PALLD: variants seen among roughly 807,000 people sequenced by gnomAD.
PALLD encodes the protein palladin, cytoskeletal associated protein.
A neutral mutation model predicts 123.5 loss-of-function variants in PALLD; 61 were observed. The observed-to-expected ratio is 0.49, with a 90% CI of 0.40 to 0.61. The LOEUF (loss-of-function observed/expected upper bound fraction) is 0.61. Among genes scored for constraint, PALLD ranks in the 20% least tolerant of loss-of-function variants. PALLD has a pLI of 0.00. For synonymous variants in PALLD, 465 were observed against 496.4 expected (o/e 0.94, Z 0.84); for missense variants, 1,273 against 1,377.0 (o/e 0.92, Z 1.20).
intron 10 of PALLD, among the ~76,000 whole-genome samples, chr4:168,750,331 T>A (rs550349452): frequency 2.5e-4 from 38 of 152,356 alleles, no homozygotes; most frequent in African/African-American, 8.7e-4. Flanking sequence ...TCCAGCCACA[T>A]CCATGTTGCT....
chr4:168,824,508 T>G (rs534631165), intron 10 of PALLD, among the ~76,000 whole-genome samples: 1 of 152,326 alleles, frequency 6.6e-6, no homozygotes, highest in Non-Finnish European at 1.5e-5. Context: ...TTGATAAATC[T>G]TATAAATTGA....
intron 2 of PALLD, among the ~76,000 whole-genome samples, chr4:168,568,701 A>T (rs1274440053): frequency 1.3e-5 from 2 of 151,646 alleles, no homozygotes; most frequent in East Asian, 3.9e-4. Flanking sequence ...AATTTGGGAA[A>T]TTTTTCCTAA....
intron 15 of PALLD, 190 bp downstream of exon 15, chr4:168,904,096 C>T (rs1707348389): frequency 1.6e-6 from 1 of 612,464 alleles, no homozygotes; most frequent in Admixed American, 2.7e-5. Flanking sequence ...CTTATTTATT[C>T]CATCAGGTGT....
intron 10 of PALLD, among the ~76,000 whole-genome samples, chr4:168,784,143 T>A (rs535913668): frequency 6.6e-6 from 1 of 152,014 alleles, no homozygotes; most frequent in South Asian, 2.1e-4. Flanking sequence ...AAAGGAGGAA[T>A]AAGAGGAGGT....
intron 4 of PALLD, among the ~76,000 whole-genome samples, chr4:168,682,672 T>G (rs753535699): frequency 4.6e-5 from 7 of 152,218 alleles, no homozygotes; most frequent in Non-Finnish European, 7.3e-5. Context: ...ATATTTTCTC[T>G]TAGGATTTTC....
chr4:168,602,738 C>T (rs751747206), intron 2 of PALLD, among the ~76,000 whole-genome samples: 105 of 152,036 alleles, frequency 6.9e-4, no homozygotes, highest in Non-Finnish European at 1.2e-3. Flanking sequence ...TCCTGGAGGG[C>T]GGCTTTGGAA....
chr4:168,671,026 G>A (rs202192446), intron 3 of PALLD, among the ~76,000 whole-genome samples: 38 of 148,548 alleles, frequency 2.6e-4, no homozygotes, highest in Non-Finnish European at 2.2e-4. Context: ...TCAAAAAAAA[G>A]AAAAAAAAAA....
At chr4:168,563,588 T>C (rs1768074211) in intron 2 of PALLD, among the ~76,000 whole-genome samples, 1 of 152,212 alleles carries the variant, frequency 6.6e-6, no homozygotes, top group African/African-American at 2.4e-5. Flanking sequence ...TAAATGAATG[T>C]AGATTTTCAA....
chr4:168,511,989 G>T lies in PALLD; in HGVS notation c.485G>T (p.Gly162Val). The change falls in exon 2 of 22, where the codon GGT (glycine) becomes GTT (valine). Residue 162 changes from glycine to valine, a missense_variant. Gly to Val is a moderately radical substitution (Grantham distance 109). This residue lies in a region of PALLD where 944 missense variants were observed against 954.5 expected (regional missense o/e 0.99). Transcript: ENST00000505667. ...CCCAAAACGCCACATCAAAGAAAGG[G>T]TGGCCCCCAGAGCCAGCTGTGTGAC... ...VKPKTPHQRK[G>V]GPQSQLCDKA... 6.2e-7 allele frequency: 1 copy of T among 1,614,156 alleles called. No individual in the cohort carries two copies. The highest frequency in any genetic ancestry group is 8.5e-7 in the Non-Finnish European group (1 of 1,180,024).
intron 3 of PALLD, among the ~76,000 whole-genome samples, chr4:168,673,219 C>T (rs972436451): frequency 6.6e-6 from 1 of 152,178 alleles, no homozygotes; most frequent in Non-Finnish European, 1.5e-5. Flanking sequence ...GGCAGAGTAA[C>T]CCAGTAAACT....
intron 4 of PALLD, among the ~76,000 whole-genome samples, chr4:168,682,466 T>G (rs1781637750): frequency 6.6e-6 from 1 of 152,162 alleles, no homozygotes; most frequent in Admixed American, 6.5e-5. Context: ...CTTCTTAATC[T>G]TCTCTAAATA....
At chr4:168,794,438 C>A (rs1738113172) in intron 10 of PALLD, among the ~76,000 whole-genome samples, 1 of 112,056 alleles carries the variant, frequency 8.9e-6, no homozygotes, top group Non-Finnish European at 2.1e-5. Flanking sequence ...CGCGCGCACA[C>A]ACATAGACAT....
chr4:168,569,123 A>T (rs1768712214), intron 2 of PALLD, among the ~76,000 whole-genome samples: 1 of 152,150 alleles, frequency 6.6e-6, no homozygotes. Context: ...TATCTCCTTT[A>T]CCTGCCTTGG....
At chr4:168,744,128 G>A (rs1482607604) in intron 10 of PALLD, among the ~76,000 whole-genome samples, 1 of 152,138 alleles carries the variant, frequency 6.6e-6, no homozygotes, top group African/African-American at 2.4e-5. Flanking sequence ...ACACTCTGGG[G>A]CAGTCACTTC....
intron 10 of PALLD, among the ~76,000 whole-genome samples, chr4:168,820,620 T>C (rs2150790979): frequency 6.6e-6 from 1 of 152,216 alleles, no homozygotes; most frequent in Admixed American, 6.5e-5. Flanking sequence ...GCATGAGCTC[T>C]TAAGCATGAA....
intron 9 of PALLD, among the ~76,000 whole-genome samples, chr4:168,709,942 A>G (rs971649251): frequency 2.0e-5 from 3 of 152,150 alleles, no homozygotes; most frequent in Non-Finnish European, 4.4e-5. Context: ...CCACCTCTGC[A>G]TCAGAGGTGC....
chr4:168,675,345 C>T (rs1312334989), intron 3 of PALLD, among the ~76,000 whole-genome samples: 3 of 152,134 alleles, frequency 2.0e-5, no homozygotes, highest in South Asian at 2.1e-4. Context: ...CTCAGTGCTA[C>T]GAATAATCAG....
At chr4:168,520,243 T>G (rs528223573) in intron 2 of PALLD, among the ~76,000 whole-genome samples, 6 of 150,560 alleles carry the variant, frequency 4.0e-5, no homozygotes, top group African/African-American at 9.8e-5. Flanking sequence ...GGAGAATGGC[T>G]TGAATCCGGG....
intron 10 of PALLD, 58 bp from the exon 11 acceptor site, chr4:168,890,851 GGACTTGAACGTTT>G: frequency 6.6e-7 from 1 of 1,508,418 alleles, no homozygotes; most frequent in Non-Finnish European, 9.2e-7. Flanking sequence ...TGTCTTTGTT[GGACTTGAACGTTT>G]GACTTGGATT....
Sources: allele counts gnomAD v4.1 joint callset (sites outside exome capture counted in the v4.1 genomes callset), GRCh38; gene constraint gnomAD v4.1.1; regional missense constraint gnomAD v4.1.1; transcripts MANE v1.5; gene names NCBI Gene and HGNC (gene_info 2026-07-23, HGNC 2026-07-21).